TMEFF1: variants seen among roughly 807,000 people sequenced by gnomAD.
TMEFF1 encodes the protein tomoregulin-1.
In TMEFF1, 20 loss-of-function variants were observed where a neutral mutation model predicts 47.5. That is an observed-to-expected ratio of 0.42 (90% confidence interval 0.30 to 0.61). TMEFF1 has a LOEUF of 0.61. TMEFF1 is among the 20% of genes least tolerant of loss of function. TMEFF1 has a pLI of 0.19. For missense variants in TMEFF1, 411 were observed against 471.1 expected, an observed-to-expected ratio of 0.87 and a Z score of 1.18; for synonymous variants, 162 against 166.3, an observed-to-expected ratio of 0.97 and a Z score of 0.20.
chr9:100,477,718 C>A (rs1837262076), intron 1 of TMEFF1, among the ~76,000 whole-genome samples: 1 of 150,260 alleles, frequency 6.7e-6, no homozygotes, highest in South Asian at 2.1e-4. Context: ...CTCTGCCTTC[C>A]AGGTTCAACC....
chr9:100,475,129 A>G (rs1296511784), intron 1 of TMEFF1, among the ~76,000 whole-genome samples: 1 of 152,158 alleles, frequency 6.6e-6, no homozygotes, highest in Non-Finnish European at 1.5e-5. Context: ...CTGCCGGACA[A>G]CCTTTATACT....
chr9:100,574,496 C>T (rs578082294), intron 9 of TMEFF1, among the ~76,000 whole-genome samples: 8 of 152,014 alleles, frequency 5.3e-5, no homozygotes, highest in South Asian at 2.1e-4. Flanking sequence ...CTCAACCTCC[C>T]GAGTAGCTGA....
chr9:100,536,859 A>C (rs965423522), intron 5 of TMEFF1, among the ~76,000 whole-genome samples: 1 of 152,222 alleles, frequency 6.6e-6, no homozygotes, highest in African/African-American at 2.4e-5. Flanking sequence ...AAAGGTGTTC[A>C]GTAATGGATT....
At position 100,576,772 on chromosome 9, in the gene TMEFF1, T is replaced by G; in HGVS notation, c.*172T>G. On this transcript the variant is annotated 3_prime_UTR_variant, in exon 10 of 10. Transcript: ENST00000374879. ...ACAGTTTTGGACTGTTTAGTAGTCT[T>G]TGTTTTATGTTTTTAAATACAGAAA... The G allele has an allele frequency of 3.0e-6, 2 of 659,310 alleles. No individual in the cohort carries two copies. The highest frequency in any genetic ancestry group is 4.6e-6 in the Non-Finnish European group (2 of 434,344). 40.8% of individuals were successfully genotyped at this position (659,310 alleles called of 1,614,324 possible). A position where few individuals can be genotyped will look rare whatever the true frequency, so the allele number is the denominator to read the frequency against.
chr9:100,490,713 T>C (rs1002930989), intron 1 of TMEFF1, among the ~76,000 whole-genome samples: 10 of 135,390 alleles, frequency 7.4e-5, no homozygotes, highest in South Asian at 2.4e-4. Context: ...TTTTTTTTTT[T>C]CCCCATTAAA....
intron 5 of TMEFF1, among the ~76,000 whole-genome samples, chr9:100,537,395 T>C (rs1233307746): frequency 2.6e-5 from 4 of 152,216 alleles, no homozygotes; most frequent in South Asian, 2.1e-4. Context: ...TATCTTTGAA[T>C]CTTTAAATGA....
intron 8 of TMEFF1, among the ~76,000 whole-genome samples, chr9:100,565,630 C>T (rs1275453543): frequency 6.6e-6 from 1 of 152,114 alleles, no homozygotes; most frequent in Admixed American, 6.5e-5. Flanking sequence ...TTAGCAGTAC[C>T]TCCTCTCTCA....
rs570968187 is a variant in TMEFF1, at chr9:100,496,631, A to G, written c.197-2134A>G. Among the ~76,000 whole-genome samples, 2 of 152,306 alleles carry G rather than the reference A, an allele frequency of 1.3e-5. 1 individual carries two copies. The highest frequency in any genetic ancestry group is 4.8e-5 in the African/African-American group (2 of 41,566). ...CCTCATACAAACATTCCTTGGGGTT[A>G]CCAAATGTGACTCCTGGTGGCAGGG... On this transcript the variant is annotated intron_variant, in intron 1 of 9. Coordinates refer to ENST00000374879, the MANE Select transcript of TMEFF1 (RefSeq NM_003692.5).
At chr9:100,489,878 G>A (rs1837517818) in intron 1 of TMEFF1, among the ~76,000 whole-genome samples, 1 of 152,142 alleles carries the variant, frequency 6.6e-6, no homozygotes, top group Non-Finnish European at 1.5e-5. Flanking sequence ...GAGATCTTTG[G>A]CTAGGATTGG....
At chr9:100,517,572 T>A (rs1838095974) in intron 5 of TMEFF1, among the ~76,000 whole-genome samples, 1 of 152,352 alleles carries the variant, frequency 6.6e-6, no homozygotes, top group African/African-American at 2.4e-5. Flanking sequence ...TTCAGTATTA[T>A]GTACAAAATC....
intron 1 of TMEFF1, among the ~76,000 whole-genome samples, chr9:100,485,693 ATTGTC>A (rs1383985814): frequency 6.0e-5 from 9 of 149,206 alleles, no homozygotes; most frequent in Non-Finnish European, 1.2e-4. Context: ...TGTTAGAAAC[ATTGTC>A]TTAACTTAAC....
intron 1 of TMEFF1, among the ~76,000 whole-genome samples, chr9:100,483,266 G>A (rs1837374459): frequency 6.6e-6 from 1 of 152,194 alleles, no homozygotes; most frequent in Non-Finnish European, 1.5e-5. Context: ...GGAGCCCGAG[G>A]CGGGTGGATC....
At chr9:100,550,239 T>A in intron 7 of TMEFF1, 79 bp downstream of exon 7, 1 of 1,427,120 alleles carries the variant, frequency 7.0e-7, no homozygotes, top group Admixed American at 2.1e-5. Flanking sequence ...TCTGTTTCCA[T>A]TATAACAACA....
At chr9:100,513,402 T>G in intron 4 of TMEFF1, 69 bp downstream of exon 4, 1 of 1,506,786 alleles carries the variant, frequency 6.6e-7, no homozygotes, top group African/African-American at 1.4e-5. Context: ...TCTTTTTTTT[T>G]TTTTTTTTAA....
intron 7 of TMEFF1, among the ~76,000 whole-genome samples, chr9:100,554,146 A>G (rs1458866640): frequency 1.3e-5 from 2 of 152,184 alleles, no homozygotes; most frequent in Admixed American, 1.3e-4. Context: ...CTCCTCCTGC[A>G]GCTGGCCAGG....
At chr9:100,540,072 A>T (rs1838599634) in intron 5 of TMEFF1, among the ~76,000 whole-genome samples, 1 of 152,198 alleles carries the variant, frequency 6.6e-6, no homozygotes, top group Non-Finnish European at 1.5e-5. Flanking sequence ...GTGCGTTTAC[A>T]AACCTTTAGC....
chr9:100,540,411 C>T (rs1252097551), intron 5 of TMEFF1, among the ~76,000 whole-genome samples: 1 of 152,262 alleles, frequency 6.6e-6, no homozygotes, highest in Non-Finnish European at 1.5e-5. Flanking sequence ...CTTGCGGCAC[C>T]TAGCCTGGGC....
intron 8 of TMEFF1, among the ~76,000 whole-genome samples, chr9:100,565,273 G>A (rs541569087): frequency 6.6e-4 from 101 of 152,002 alleles, no homozygotes; most frequent in African/African-American, 2.4e-3. Flanking sequence ...CACCTTTTCC[G>A]TGTCCCTCCC....
chr9:100,474,441 A>T (rs1372745774), intron 1 of TMEFF1, among the ~76,000 whole-genome samples: 1 of 151,380 alleles, frequency 6.6e-6, no homozygotes, highest in African/African-American at 2.4e-5. Flanking sequence ...CCAGGAAGTG[A>T]CCCTGTGTTT....
Sources: gnomAD v4.1 joint callset for allele counts (sites outside exome capture counted in the v4.1 genomes callset) on GRCh38, gnomAD v4.1.1 for gene constraint, MANE v1.5 for transcripts, NCBI Gene and HGNC (gene_info 2026-07-23, HGNC 2026-07-21) for gene names.